STPG2: variants seen among roughly 807,000 people sequenced by gnomAD.
STPG2 encodes the protein sperm tail PG-rich repeat containing 2.
STPG2 carries 56 observed loss-of-function variants against 54.2 expected under a neutral mutation model. That is an observed-to-expected ratio of 1.03 (90% CI 0.83 to 1.29). The LOEUF is 1.29. Ranked by LOEUF, STPG2 falls within the 50% of genes most tolerant of loss-of-function variation. The probability of loss-of-function intolerance (pLI) is 0.00; values close to 1 mark genes in which losing one functional copy is unlikely to be tolerated. For missense variants in STPG2, 596 were observed against 544.9 expected, an observed-to-expected ratio of 1.09 and a Z score of -0.93; for synonymous variants, 200 against 181.8, an observed-to-expected ratio of 1.10 and a Z score of -0.81.
At chr4:97,698,442 G>C (rs1014713817) in intron 10 of STPG2, among the ~76,000 whole-genome samples, 1 of 152,138 alleles carries the variant, frequency 6.6e-6, no homozygotes, top group African/African-American at 2.4e-5. Flanking sequence ...AAGGTAGGAG[G>C]AGCACAAAGT....
At chr4:97,443,624 C>G (rs770071514) in intron 4 of STPG2, among the ~76,000 whole-genome samples, 1 of 152,096 alleles carries the variant, frequency 6.6e-6, no homozygotes, top group African/African-American at 2.4e-5. Flanking sequence ...TACATCAACT[C>G]TTAACAAAAA....
intron 5 of STPG2, chr4:98,048,502 C>A: frequency 6.4e-6 from 1 of 155,788 alleles, no homozygotes. Flanking sequence ...AGTGCTCATC[C>A]TGTGCTCTCT....
At chr4:97,879,106 G>A (rs1205788339) in intron 8 of STPG2, among the ~76,000 whole-genome samples, 1 of 152,124 alleles carries the variant, frequency 6.6e-6, no homozygotes, top group Non-Finnish European at 1.5e-5. Context: ...ATCTCCATCT[G>A]AGACCTTTTC....
intron 8 of STPG2, among the ~76,000 whole-genome samples, chr4:97,935,087 G>T (rs1445527006): frequency 6.6e-6 from 1 of 152,006 alleles, no homozygotes; most frequent in African/African-American, 2.4e-5. Context: ...AGTATGGTGT[G>T]GTGTATGTGT....
chr4:97,992,522 T>C (rs1735054329), intron 5 of STPG2, among the ~76,000 whole-genome samples: 1 of 152,210 alleles, frequency 6.6e-6, no homozygotes, highest in African/African-American at 2.4e-5. Context: ...TAGTTTCAAG[T>C]CGAGTAATGT....
At chr4:97,651,854 T>C (rs1369606212) in intron 10 of STPG2, among the ~76,000 whole-genome samples, 1 of 151,992 alleles carries the variant, frequency 6.6e-6, no homozygotes, top group African/African-American at 2.4e-5. Context: ...TTTCCACACT[T>C]TTGAAAACAT....
intron 5 of STPG2, among the ~76,000 whole-genome samples, chr4:98,000,021 T>G (rs1735365854): frequency 6.6e-6 from 1 of 152,220 alleles, no homozygotes; most frequent in Non-Finnish European, 1.5e-5. Context: ...TCCATTTTAA[T>G]ACTATATTGT....
chr4:97,725,746 T>G (rs1724603115), intron 9 of STPG2, among the ~76,000 whole-genome samples: 1 of 151,776 alleles, frequency 6.6e-6, no homozygotes, highest in Admixed American at 6.6e-5. Flanking sequence ...AAATACAGAT[T>G]GCTTAAAAAA....
At chr4:97,562,399 A>T (rs930889150) in intron 10 of STPG2, among the ~76,000 whole-genome samples, 19 of 152,184 alleles carry the variant, frequency 1.2e-4, no homozygotes, top group South Asian at 4.1e-4. Context: ...AGGGACAATT[A>T]GACTTCCTCT....
At chr4:97,950,457 C>T (rs1440635663) in intron 7 of STPG2, among the ~76,000 whole-genome samples, 1 of 151,992 alleles carries the variant, frequency 6.6e-6, no homozygotes, top group Non-Finnish European at 1.5e-5. Flanking sequence ...TGATTTTTTT[C>T]TCTTTAAAAT....
intron 9 of STPG2, among the ~76,000 whole-genome samples, chr4:97,736,708 A>T (rs1725011227): frequency 6.6e-6 from 1 of 152,204 alleles, no homozygotes; most frequent in Non-Finnish European, 1.5e-5. Context: ...GGAGCCGGGA[A>T]GCTCGAACTG....
At chr4:98,049,503 G>A (rs996548159) in intron 5 of STPG2, among the ~76,000 whole-genome samples, 1 of 152,124 alleles carries the variant, frequency 6.6e-6, no homozygotes. Context: ...TTGAGCAGCA[G>A]TAAGAATACT....
intron 4 of STPG2, among the ~76,000 whole-genome samples, chr4:97,477,640 C>A (rs1367725582): frequency 6.8e-6 from 1 of 147,068 alleles, no homozygotes; most frequent in Non-Finnish European, 1.5e-5. Flanking sequence ...CCATGCCCGG[C>A]TAATTTTTTT....
chr4:97,756,052 C>T (rs1248886684), intron 9 of STPG2, among the ~76,000 whole-genome samples: 1 of 151,958 alleles, frequency 6.6e-6, no homozygotes, highest in African/African-American at 2.4e-5. Context: ...CTAACTCTCC[C>T]CCTCCCTTCT....
chr4:97,866,338 T>C (rs1729778337), intron 8 of STPG2, among the ~76,000 whole-genome samples: 1 of 151,992 alleles, frequency 6.6e-6, no homozygotes, highest in African/African-American at 2.4e-5. Flanking sequence ...ACTGTATGCC[T>C]GTATCAAAGT....
intron 8 of STPG2, among the ~76,000 whole-genome samples, chr4:97,912,628 G>C (rs1731723340): frequency 6.6e-6 from 1 of 152,094 alleles, no homozygotes; most frequent in South Asian, 2.1e-4. Context: ...AGAAAAGAAT[G>C]AGAAGGAATG....
intron 9 of STPG2, among the ~76,000 whole-genome samples, chr4:97,736,666 T>C (rs1263376961): frequency 6.6e-6 from 1 of 152,154 alleles, no homozygotes; most frequent in Non-Finnish European, 1.5e-5. Flanking sequence ...GAGGGGCACC[T>C]GTCATTGCCC....
At chr4:97,527,728 T>C (rs1462573973) in intron 4 of STPG2, among the ~76,000 whole-genome samples, 1 of 152,230 alleles carries the variant, frequency 6.6e-6, no homozygotes, top group Non-Finnish European at 1.5e-5. Flanking sequence ...GTTGTTTTGA[T>C]ATGCATTTCT....
At chr4:97,458,417 C>A (rs1431528684) in intron 4 of STPG2, among the ~76,000 whole-genome samples, 2 of 152,052 alleles carry the variant, frequency 1.3e-5, no homozygotes, top group Admixed American at 1.3e-4. Flanking sequence ...AAGAGCTATG[C>A]TTTCTTTCTC....
Sources: gnomAD v4.1 joint callset for allele counts (sites outside exome capture counted in the v4.1 genomes callset) on GRCh38, gnomAD v4.1.1 for gene constraint, MANE v1.5 for transcripts, NCBI Gene and HGNC (gene_info 2026-07-23, HGNC 2026-07-21) for gene names.